BCAS3: variants seen among roughly 807,000 people sequenced by gnomAD.
BCAS3 encodes the protein BCAS3 microtubule associated cell migration factor, also known as BCAS4/BCAS3 fusion.
BCAS3 carries 53 observed loss-of-function variants against 116.1 expected under a neutral mutation model. The observed-to-expected ratio is 0.46, with a 90% CI of 0.37 to 0.57. The LOEUF is 0.57. Ranked by LOEUF, BCAS3 falls within the 20% of genes least tolerant of loss-of-function variation. BCAS3 has a pLI of 0.00. For missense variants in BCAS3, 917 were observed against 1,165.4 expected (o/e 0.79, Z 3.10); for synonymous variants, 391 against 408.2 (o/e 0.96, Z 0.51).
Position 61,196,763 on chromosome 17 carries a change from C to T in BCAS3, c.2425+112199C>T, listed in dbSNP as rs1212013861. On this transcript the variant is annotated intron_variant, in intron 22 of 23. Coordinates refer to ENST00000407086, the MANE Select transcript of BCAS3 (RefSeq NM_017679.5). This position sits in a 1 kb window ranked among gnomAD's most constrained non-coding sequence, Gnocchi z 4.7. ...CTTGCATTTATCGGCATTCATGCTC[C>T]GTTTTTTCTGTTTATCATAGGGTCT... Among the ~76,000 whole-genome samples the T allele has an allele frequency of 3.3e-5, 5 of 152,306 alleles. No homozygotes were observed. The highest frequency in any genetic ancestry group is 5.9e-5 in the Non-Finnish European group (4 of 68,018).
At chr17:61,303,618 C>T (rs1214182869) in intron 22 of BCAS3, among the ~76,000 whole-genome samples, 1 of 152,158 alleles carries the variant, frequency 6.6e-6, no homozygotes, top group African/African-American at 2.4e-5. Flanking sequence ...TGGGGAGTGA[C>T]CAGCCCCCAG....
At chr17:60,709,608 C>G (rs763836402) in intron 5 of BCAS3, 12 of 301,970 alleles carry the variant, frequency 4.0e-5, no homozygotes, top group Non-Finnish European at 7.5e-5. Context: ...AGGCTGGTCT[C>G]AAACTCCTGA....
chr17:60,920,931 T>C (rs2059049434), intron 12 of BCAS3, among the ~76,000 whole-genome samples: 1 of 151,480 alleles, frequency 6.6e-6, no homozygotes, highest in South Asian at 2.1e-4. Context: ...CAGATACTGG[T>C]GGGGCTGTGG....
At chr17:60,719,435 C>T (rs2039004286) in intron 5 of BCAS3, among the ~76,000 whole-genome samples, 1 of 152,198 alleles carries the variant, frequency 6.6e-6, no homozygotes, top group Non-Finnish European at 1.5e-5. Flanking sequence ...GTTTGAAAAA[C>T]ACTATCATCA....
At chr17:60,981,904 A>C (rs949993969) in intron 14 of BCAS3, among the ~76,000 whole-genome samples, 19 of 152,168 alleles carry the variant, frequency 1.2e-4, no homozygotes, top group African/African-American at 4.1e-4. Context: ...ATGGCTTTAT[A>C]TTTATAGTAC....
chr17:60,751,536 CTTTTTCTTTTTTTTTTT>C (rs1568166411), intron 6 of BCAS3, among the ~76,000 whole-genome samples: 23 of 149,552 alleles, frequency 1.5e-4, no homozygotes, highest in Admixed American at 1.3e-3. Flanking sequence ...TCTTTTTTTT[CTTTTTCTTTTTTTTTTT>C]TTTTTTGAGA....
rs368379111 is a variant in BCAS3 at position 60,970,760 on chromosome 17, A to C, written c.1222-19211A>C. ...CTGAGTTTTAAAATACATTAAATAA[A>C]ATCAGAATTAATAGGATGAATAATT... On this transcript the variant is annotated intron_variant, in intron 14 of 23. Coordinates refer to ENST00000407086, the MANE Select transcript of BCAS3 (RefSeq NM_017679.5). Among the ~76,000 whole-genome samples, 27 of 152,330 alleles carry C rather than the reference A, an allele frequency of 1.8e-4. No homozygotes were observed. In the East Asian group the frequency reaches 3.5e-3, roughly 20 times the overall value.
intron 14 of BCAS3, among the ~76,000 whole-genome samples, chr17:60,976,020 C>CTTTTTTGTTTTTTTT (rs2062326789): frequency 1.0e-5 from 1 of 98,286 alleles, no homozygotes; most frequent in Non-Finnish European, 1.8e-5. Context: ...TAGATTTTTG[C>CTTTTTTGTTTTTTTT]TTTTTTTTTT....
chr17:61,382,704 C>G (rs1352743377), intron 23 of BCAS3: 1 of 151,918 alleles, frequency 6.6e-6, no homozygotes, highest in African/African-American at 2.4e-5. Flanking sequence ...CTCATAAAGC[C>G]TGTACCACAA....
Position 61,286,918 on chromosome 17 carries a change from A to T in BCAS3, c.2426-81409A>T, listed in dbSNP as rs1180346956. 1.3e-5 allele frequency among the ~76,000 whole-genome samples: 2 copies of T among 152,176 alleles called. No individual in the cohort carries two copies. The highest frequency in any genetic ancestry group is 2.9e-5 in the Non-Finnish European group (2 of 68,038). On this transcript the variant is annotated intron_variant, in intron 22 of 23. Coordinates refer to ENST00000407086, the MANE Select transcript of BCAS3 (RefSeq NM_017679.5). The surrounding 1 kb of genome is among the most constrained non-coding windows in gnomAD (Gnocchi z 4.8). ...CCACCTACTGAGCCAGACACCAGAG[A>T]TGCAACTAGAAAGATGCCATGGTCT...
At chr17:60,944,128 A>C (rs1160919429) in intron 13 of BCAS3, among the ~76,000 whole-genome samples, 1 of 152,158 alleles carries the variant, frequency 6.6e-6, no homozygotes, top group East Asian at 1.9e-4. Flanking sequence ...GGAAATAATA[A>C]ATATAGTAAC....
In BCAS3 at chr17:60,956,841, T is replaced by C. The variant is rs1360833443; in HGVS notation, c.1221+9489T>C. On this transcript the variant is annotated intron_variant, in intron 14 of 23. Transcript: ENST00000407086. This position sits in a 1 kb window ranked among gnomAD's most constrained non-coding sequence, Gnocchi z 4.2. ...AATTATTTTGAACTGATATATAAAA[T>C]TTAACACCAGTCGTGAAATCTATAT... 6.6e-6 allele frequency among the ~76,000 whole-genome samples: 1 copy of C among 152,158 alleles called. No homozygotes were observed. Among genetic ancestry groups the C allele is most frequent in the Non-Finnish European group, 1.5e-5 (1 of 68,018 alleles).
Position 61,363,308 on chromosome 17 carries a change from G to A in BCAS3, c.2426-5019G>A, listed in dbSNP as rs2058552698. On this transcript the variant is annotated intron_variant, in intron 22 of 23. Transcript: ENST00000407086. This position sits in a 1 kb window ranked among gnomAD's most constrained non-coding sequence, Gnocchi z 4.9. ...AGATAGAGCACCTTTTATGCCGTTA[G>A]AGTTTGAGCAAGAGTAGTCTTTATA... Among the ~76,000 whole-genome samples the A allele has an allele frequency of 6.6e-6, 1 of 152,212 alleles. No homozygotes were observed.
chr17:60,913,418 G>T (rs9900518), intron 12 of BCAS3, among the ~76,000 whole-genome samples: 47,166 of 151,906 alleles, frequency 0.31, 12,407 homozygotes, highest in African/African-American at 0.72. Flanking sequence ...TATATAATTT[G>T]TAAAGCAACA....
At chr17:61,047,071 T>G (rs2068423711) in intron 19 of BCAS3, among the ~76,000 whole-genome samples, 1 of 152,010 alleles carries the variant, frequency 6.6e-6, no homozygotes, top group Non-Finnish European at 1.5e-5. Flanking sequence ...CACTAAACAC[T>G]TCTTATGTAA....
chr17:60,708,101 A>C (rs2037401076), intron 4 of BCAS3, among the ~76,000 whole-genome samples: 1 of 152,024 alleles, frequency 6.6e-6, no homozygotes, highest in Admixed American at 6.6e-5. Context: ...AGGCAGGTGG[A>C]TTGCTTGAGC....
At chr17:60,972,046 A>G (rs1293359823) in intron 14 of BCAS3, among the ~76,000 whole-genome samples, 6 of 152,170 alleles carry the variant, frequency 3.9e-5, no homozygotes, top group Non-Finnish European at 8.8e-5. Flanking sequence ...TTGGAATCCT[A>G]CGTTGTTTCT....
At chr17:61,081,053 A>G (rs558860883) in intron 21 of BCAS3, among the ~76,000 whole-genome samples, 2 of 152,340 alleles carry the variant, frequency 1.3e-5, no homozygotes, top group South Asian at 4.1e-4. Flanking sequence ...CAGGGAGTCA[A>G]TTCTTTGCAG....
chr17:60,733,724 G>A (rs1170691554), intron 5 of BCAS3, among the ~76,000 whole-genome samples: 2 of 152,032 alleles, frequency 1.3e-5, no homozygotes, highest in Non-Finnish European at 2.9e-5. Flanking sequence ...GCATGTACCC[G>A]TGGTCCCAGC....
Sources: allele counts gnomAD v4.1 joint callset (sites outside exome capture counted in the v4.1 genomes callset), GRCh38; gene constraint gnomAD v4.1.1; non-coding constraint Gnocchi (gnomAD v3.1); transcripts MANE v1.5; gene names NCBI Gene and HGNC (gene_info 2026-07-23, HGNC 2026-07-21).